ESR2: variants seen among roughly 807,000 people sequenced by gnomAD.
ESR2 encodes the protein estrogen receptor 2.
A neutral mutation model predicts 49.6 loss-of-function variants in ESR2; 36 were observed. That is an observed-to-expected ratio of 0.73 (90% CI 0.56 to 0.96). The LOEUF is 0.96. Among genes scored for constraint, ESR2 ranks in the 40% least tolerant of loss-of-function variants. ESR2 has a pLI of 0.00. For synonymous variants in ESR2, 320 were observed against 266.1 expected, an observed-to-expected ratio of 1.20 and a Z score of -1.97; for missense variants, 714 against 693.0, an observed-to-expected ratio of 1.03 and a Z score of -0.34.
chr14:64,274,581 T>C (rs1412776187), intron 3 of ESR2, among the ~76,000 whole-genome samples: 1 of 152,208 alleles, frequency 6.6e-6, no homozygotes, highest in Non-Finnish European at 1.5e-5. Context: ...TGTGTTGTTT[T>C]CTTGGTTTCA....
At position 64,232,106 on chromosome 14, in the gene ESR2, G is replaced by T. The variant is rs1051493539; in HGVS notation, c.*1031C>A. Reference sequence around the variant, plus strand: ...GTACTCATCAAGGCTATACAGTGTGGCCCCAGAGCTGACACACTGGGGTGC... The same window carrying T: ...GTACTCATCAAGGCTATACAGTGTGTCCCCAGAGCTGACACACTGGGGTGC... On this transcript the variant is annotated 3_prime_UTR_variant, in exon 9 of 9. Coordinates refer to ENST00000341099, the MANE Select transcript of ESR2 (RefSeq NM_001437.3). 3 of 152,150 alleles carry T rather than the reference G, an allele frequency of 2.0e-5. No homozygotes were observed. The highest frequency in any genetic ancestry group is 2.9e-5 in the Non-Finnish European group (2 of 68,026). The allele number at this position is 152,150 out of a possible 1,614,324, so 9.4% of individuals were successfully genotyped here. A position where few individuals can be genotyped will look rare whatever the true frequency, so the allele number is the denominator to read the frequency against.
upstream of ESR2, among the ~76,000 whole-genome samples, chr14:64,297,262 T>G (rs1010302076): frequency 1.3e-5 from 2 of 152,188 alleles, no homozygotes; most frequent in Admixed American, 6.5e-5. Context: ...TAATATTAAC[T>G]TACTAGCATT....
At chr14:64,302,154 T>TATA (rs1555593242) in intron 1 of ESR2, among the ~76,000 whole-genome samples, 8 of 140,068 alleles carry the variant, frequency 5.7e-5, no homozygotes, top group Non-Finnish European at 9.2e-5. Context: ...CTTTTTTATT[T>TATA]TTTATTTTTA....
intron 6 of ESR2, among the ~76,000 whole-genome samples, chr14:64,253,576 GT>G (rs2076032916): frequency 7.6e-6 from 1 of 131,506 alleles, no homozygotes; most frequent in Non-Finnish European, 1.6e-5. Context: ...GTGTGTGTGT[GT>G]GTGTGTGTGT....
Position 64,229,936 on chromosome 14 carries a change from T to G in ESR2, c.*3201A>C, listed in dbSNP as rs539350134. Among the ~76,000 whole-genome samples the G allele has an allele frequency of 7.9e-5, 12 of 152,268 alleles. No homozygotes were observed. The highest frequency in any genetic ancestry group is 2.9e-4 in the African/African-American group (12 of 41,542). Reference sequence around the variant, plus strand: ...GCTCATGCCTGTAATCTCAGCACTTTGGGAGGCCTTGGCAGGCAGATCGCT... The same window carrying G: ...GCTCATGCCTGTAATCTCAGCACTTGGGGAGGCCTTGGCAGGCAGATCGCT... On this transcript the variant is annotated 3_prime_UTR_variant, in exon 9 of 9. Transcript: ENST00000341099.
intron 7 of ESR2, among the ~76,000 whole-genome samples, chr14:64,243,269 G>A (rs181215736): frequency 6.6e-6 from 1 of 152,180 alleles, no homozygotes; most frequent in African/African-American, 2.4e-5. Flanking sequence ...GCTTATATGG[G>A]CATAGTTTGT....
intron 1 of ESR2, among the ~76,000 whole-genome samples, chr14:64,288,026 T>G (rs2076809272): frequency 6.6e-6 from 1 of 152,232 alleles, no homozygotes; most frequent in Non-Finnish European, 1.5e-5. Flanking sequence ...CATGTCAATT[T>G]TCTTTAGTCA....
intron 7 of ESR2, among the ~76,000 whole-genome samples, chr14:64,239,604 C>T (rs1220210448): frequency 2.0e-5 from 3 of 152,180 alleles, no homozygotes; most frequent in Non-Finnish European, 4.4e-5. Flanking sequence ...ATTTGGGTGG[C>T]AAGATGGCCA....
chr14:64,308,160 G>A (rs769587232), intron 1 of ESR2, among the ~76,000 whole-genome samples: 7 of 152,024 alleles, frequency 4.6e-5, no homozygotes, highest in Non-Finnish European at 7.4e-5. Context: ...GACCACAAGT[G>A]CATGACACCC....
At chr14:64,288,564 G>A (rs936529510) in intron 1 of ESR2, among the ~76,000 whole-genome samples, 1 of 151,830 alleles carries the variant, frequency 6.6e-6, no homozygotes, top group Non-Finnish European at 1.5e-5. Flanking sequence ...TAGCCAGGAT[G>A]GTCTTGATCT....
chr14:64,239,124 C>T (rs2075668189), intron 7 of ESR2, among the ~76,000 whole-genome samples: 2 of 152,186 alleles, frequency 1.3e-5, no homozygotes, highest in South Asian at 4.1e-4. Context: ...GGAAAGGAAC[C>T]TCTGGCCATG....
chr14:64,249,563 A>G lies in ESR2; in HGVS notation c.1208T>C (p.Met403Thr). Residue 403 changes from methionine to threonine, a missense_variant, in exon 7 of 9, where the codon ATG becomes ACG. Transcript: ENST00000341099. ...TTACTTACTGGAATTGAGCAGGATC[A>G]TGGCCTTGACACAGAGATATTCTTT... ...QHKEYLCVKA[M>T]ILLNSSMYPL... 1 of 1,614,002 alleles carries G rather than the reference A, an allele frequency of 6.2e-7. No homozygotes were observed. The highest frequency in any genetic ancestry group is 8.5e-7 in the Non-Finnish European group (1 of 1,179,968).
intron 1 of ESR2, among the ~76,000 whole-genome samples, chr14:64,313,736 A>G (rs10142766): frequency 0.66 from 99,107 of 150,986 alleles, 34,405 homozygotes; most frequent in African/African-American, 0.9. Flanking sequence ...AAAATTAGCC[A>G]GGCGTGGTGG....
Position 64,313,791 on chromosome 14 carries a change from A to G in ESR2, c.-91+24107T>C, listed in dbSNP as rs2077214753. 2.6e-5 allele frequency among the ~76,000 whole-genome samples: 4 copies of G among 151,084 alleles called. No individual in the cohort carries two copies. In the South Asian group the frequency reaches 8.4e-4, roughly 32 times the overall value. On this transcript the variant is annotated intron_variant, in intron 1 of 8. Transcript: ENST00000358599. Reference sequence around the variant, plus strand: ...CTACTCGGGAGGCTGAGGTAGGAGAATGGCATGAACCCAGGAGGTGGAGCT... The same window carrying G: ...CTACTCGGGAGGCTGAGGTAGGAGAGTGGCATGAACCCAGGAGGTGGAGCT...
intron 8 of ESR2, 62 bp from the exon 9 acceptor site, chr14:64,233,385 CTT>C: frequency 6.6e-7 from 1 of 1,526,308 alleles, no homozygotes; most frequent in South Asian, 1.2e-5. Context: ...ACCCCGAAGC[CTT>C]CCCCGGCTCT....
intron 5 of ESR2, 166 bp from the exon 6 acceptor site, chr14:64,257,530 A>G: frequency 2.4e-6 from 2 of 842,944 alleles, no homozygotes; most frequent in Non-Finnish European, 3.6e-6. Context: ...AAAACTTTGA[A>G]GTTAAGCTGC....
chr14:64,229,711 T>A lies in ESR2; in HGVS notation c.*3426A>T, dbSNP rs572418199. On this transcript the variant is annotated 3_prime_UTR_variant, in exon 9 of 9. Coordinates refer to ENST00000341099, the MANE Select transcript of ESR2 (RefSeq NM_001437.3). ...TACTCCCCACGTGACCTTCAGCAAGTTTGCTTAGACCGTGTCTAGTTCCAC... is the reference window on the plus strand; with the variant it reads ...TACTCCCCACGTGACCTTCAGCAAGATTGCTTAGACCGTGTCTAGTTCCAC... Among the ~76,000 whole-genome samples the A allele has an allele frequency of 3.9e-5, 6 of 152,330 alleles. No individual in the cohort carries two copies. Among genetic ancestry groups the A allele is most frequent in the African/African-American group, 1.4e-4 (6 of 41,582 alleles).
At position 64,232,768 on chromosome 14, in the gene ESR2, TC is replaced by T. The variant is rs1224438065; in HGVS notation, c.*368del. On this transcript the variant is annotated 3_prime_UTR_variant, in exon 9 of 9. Transcript: ENST00000341099. ...AGCCCACTTCTGTAAGCGTGTCACT[TC>T]CTCTCCCCTTTCTGATTCGCAGCCC... is the stretch of plus-strand genomic sequence containing the variant. 5.3e-6 allele frequency: 1 copy of T among 188,196 alleles called. No individual in the cohort carries two copies. Among genetic ancestry groups the T allele is most frequent in the Non-Finnish European group, 1.1e-5 (1 of 90,326 alleles). 11.7% of individuals were successfully genotyped at this position (188,196 alleles called of 1,614,324 possible).
At chr14:64,271,424 C>A (rs991523774) in intron 3 of ESR2, among the ~76,000 whole-genome samples, 2 of 152,232 alleles carry the variant, frequency 1.3e-5, no homozygotes, top group African/African-American at 2.4e-5. Flanking sequence ...CTCCCGGGTT[C>A]AAGCAATTCT....
Sources: gnomAD v4.1 joint callset for allele counts (sites outside exome capture counted in the v4.1 genomes callset) on GRCh38, gnomAD v4.1.1 for gene constraint, MANE v1.5 for transcripts, NCBI Gene and HGNC (gene_info 2026-07-23, HGNC 2026-07-21) for gene names.